The following BICRAL variants were observed in gnomAD, a reference collection of about 807,000 sequenced individuals.
The protein encoded by BICRAL is BRD4-interacting chromatin-remodeling complex-associated protein-like.
BICRAL carries 8 observed loss-of-function variants against 91.8 expected under a neutral mutation model. The observed-to-expected ratio is 0.09, with a 90% CI of 0.05 to 0.16. The LOEUF is 0.16. Ranked by LOEUF, BICRAL falls within the 10% of genes least tolerant of loss-of-function variation. BICRAL has a pLI of 1.00. For missense variants in BICRAL, 1,038 were observed against 1,310.9 expected, an observed-to-expected ratio of 0.79 and a Z score of 3.21; for synonymous variants, 445 against 491.1, an observed-to-expected ratio of 0.91 and a Z score of 1.24.
At chr6:42,844,933 T>G (rs1750104452) in intron 6 of BICRAL, among the ~76,000 whole-genome samples, 1 of 152,046 alleles carries the variant, frequency 6.6e-6, no homozygotes, top group Non-Finnish European at 1.5e-5. Flanking sequence ...TGGGAAAGGG[T>G]AAGATTGTAG....
intron 6 of BICRAL, among the ~76,000 whole-genome samples, chr6:42,846,740 T>C (rs993805624): frequency 1.3e-5 from 2 of 152,232 alleles, no homozygotes; most frequent in African/African-American, 4.8e-5. Context: ...CCCCTCTGGG[T>C]AGACAACCTG....
At chr6:42,768,054 T>A (rs1762658397) in intron 1 of BICRAL, among the ~76,000 whole-genome samples, 1 of 152,112 alleles carries the variant, frequency 6.6e-6, no homozygotes, top group Non-Finnish European at 1.5e-5. Flanking sequence ...GATTTGTGTT[T>A]TAGAAGAAGG....
intron 6 of BICRAL, among the ~76,000 whole-genome samples, chr6:42,845,911 A>C (rs547423136): frequency 6.6e-6 from 1 of 151,408 alleles, no homozygotes; most frequent in South Asian, 2.1e-4. Context: ...AAAATACAAA[A>C]AAAAAAAAAA....
At chr6:42,853,343 A>T (rs939031418) in intron 7 of BICRAL, among the ~76,000 whole-genome samples, 1 of 152,128 alleles carries the variant, frequency 6.6e-6, no homozygotes, top group African/African-American at 2.4e-5. Context: ...TAGTGCTGAC[A>T]GATTACTGGC....
Position 42,865,143 on chromosome 6 carries a change from T to A in BICRAL, c.2937T>A (p.Asn979Lys), listed in dbSNP as rs752813059. Residue 979 changes from asparagine to lysine, a missense_variant, in exon 13 of 13, where the codon AAT (asparagine) becomes AAA (lysine). Coordinates refer to ENST00000314073, the MANE Select transcript of BICRAL (RefSeq NM_001393499.1). ...NNSFQDKSLR[N>K]SPKNEVLHTD... ...CCTTCCAGGACAAAAGTCTGAGGAA[T>A]TCTCCAAAGAATGAAGTTTTACACA... is the stretch of plus-strand genomic sequence containing the variant. The A allele has an allele frequency of 1.2e-6, 2 of 1,614,098 alleles. No individual in the cohort carries two copies. The highest frequency in any genetic ancestry group is 3.3e-5 in the Admixed American group (2 of 60,006).
intron 1 of BICRAL, among the ~76,000 whole-genome samples, chr6:42,797,839 G>A (rs1271967192): frequency 6.6e-6 from 1 of 152,116 alleles, no homozygotes; most frequent in African/African-American, 2.4e-5. Context: ...AGCCGGGCAT[G>A]GTGGCACATG....
chr6:42,815,165 A>T, intron 2 of BICRAL, among the ~76,000 whole-genome samples: 2 of 131,524 alleles, frequency 1.5e-5, no homozygotes, highest in Admixed American at 7.9e-5. Flanking sequence ...GTTTTCTTCC[A>T]TTGCTACTGG....
At chr6:42,860,179 A>G in intron 10 of BICRAL, 83 bp from the exon 11 acceptor site, 2 of 786,346 alleles carry the variant, frequency 2.5e-6, no homozygotes, top group Admixed American at 2.1e-5. Flanking sequence ...ACAGAAGAGT[A>G]ATGTATTTCA....
intron 6 of BICRAL, among the ~76,000 whole-genome samples, chr6:42,849,636 T>C (rs935734326): frequency 1.3e-5 from 2 of 151,794 alleles, no homozygotes; most frequent in South Asian, 2.1e-4. Context: ...AGACAGGGTT[T>C]CACCGAGTTA....
At chr6:42,804,882 T>A (rs545996923) in intron 1 of BICRAL, among the ~76,000 whole-genome samples, 2 of 152,282 alleles carry the variant, frequency 1.3e-5, no homozygotes, top group South Asian at 4.1e-4. Flanking sequence ...TCTGCTTTTT[T>A]AAAAAAATTG....
At chr6:42,856,828 G>A (rs908351891) in intron 9 of BICRAL, among the ~76,000 whole-genome samples, 2 of 152,050 alleles carry the variant, frequency 1.3e-5, no homozygotes, top group Admixed American at 1.3e-4. Flanking sequence ...TTGGCCAATG[G>A]TCAGGCACTG....
chr6:42,753,666 C>A (rs962593988), intron 1 of BICRAL, among the ~76,000 whole-genome samples: 3 of 151,980 alleles, frequency 2.0e-5, no homozygotes, highest in Non-Finnish European at 4.4e-5. Context: ...GGCTGGAGTG[C>A]GGTGGCACGA....
chr6:42,806,784 G>C (rs1049037499), intron 1 of BICRAL, among the ~76,000 whole-genome samples: 8 of 151,896 alleles, frequency 5.3e-5, no homozygotes, highest in African/African-American at 2.4e-5. Context: ...CAAAGTGCTA[G>C]GATTACAAGC....
At chr6:42,857,594 G>A (rs1382108894) in intron 10 of BICRAL, among the ~76,000 whole-genome samples, 2 of 94,384 alleles carry the variant, frequency 2.1e-5, no homozygotes, top group African/African-American at 1.1e-4. Context: ...GGGAGACACT[G>A]TCTCTTAAAA....
intron 1 of BICRAL, among the ~76,000 whole-genome samples, chr6:42,791,879 A>C (rs542580026): frequency 5.3e-4 from 81 of 152,330 alleles, no homozygotes; most frequent in African/African-American, 1.9e-3. Flanking sequence ...GCTCTTACGC[A>C]AACCAATATG....
At chr6:42,811,628 A>G (rs908346710) in intron 2 of BICRAL, among the ~76,000 whole-genome samples, 28 of 151,950 alleles carry the variant, frequency 1.8e-4, no homozygotes, top group African/African-American at 6.0e-4. Flanking sequence ...TCAAAGAAAA[A>G]AAAAAAAAAA....
At chr6:42,772,462 G>C (rs1156461781) in intron 1 of BICRAL, among the ~76,000 whole-genome samples, 2 of 152,126 alleles carry the variant, frequency 1.3e-5, no homozygotes, top group Non-Finnish European at 2.9e-5. Context: ...GGATCTGTTT[G>C]TTCAGGGGCA....
intron 6 of BICRAL, among the ~76,000 whole-genome samples, chr6:42,840,429 G>A (rs1416718894): frequency 6.6e-6 from 1 of 151,900 alleles, no homozygotes; most frequent in African/African-American, 2.4e-5. Context: ...TTTTAGTAGA[G>A]ACAGGGTTTC....
At chr6:42,769,232 C>A (rs1002576958) in intron 1 of BICRAL, among the ~76,000 whole-genome samples, 1 of 152,142 alleles carries the variant, frequency 6.6e-6, no homozygotes, top group Non-Finnish European at 1.5e-5. Context: ...CAAGCTCACC[C>A]GTGAGGCGGT....
Sources: gnomAD v4.1 joint callset for allele counts (sites outside exome capture counted in the v4.1 genomes callset) on GRCh38, gnomAD v4.1.1 for gene constraint, MANE v1.5 for transcripts, NCBI Gene and HGNC (gene_info 2026-07-23, HGNC 2026-07-21) for gene names.